The following PCDHGB6 variants were observed in gnomAD, a reference collection of about 807,000 sequenced individuals.
The protein encoded by PCDHGB6 is protocadherin gamma-B6.
A neutral mutation model predicts 59.1 loss-of-function variants in PCDHGB6; 51 were observed. That is an observed-to-expected ratio of 0.86 (90% CI 0.69 to 1.09). The LOEUF (loss-of-function observed/expected upper bound fraction) is 1.09. Among genes scored for constraint, PCDHGB6 ranks in the 50% least tolerant of loss-of-function variants. The pLI is 0.00. For missense variants in PCDHGB6, 1,148 were observed against 1,205.1 expected (o/e 0.95, Z 0.70); for synonymous variants, 466 against 495.1 (o/e 0.94, Z 0.78).
At position 141,486,709 on chromosome 5, in the gene PCDHGB6, C is replaced by T; in HGVS notation, c.2419-8098C>T. 6.2e-7 allele frequency: 1 copy of T among 1,614,182 alleles called. No individual in the cohort carries two copies. ...CTTCCTCTTTCATCTCTCTGAACCC[C>T]CAGACAGGAGCTGTTCATGCTACTC... On this transcript the variant is annotated intron_variant, in intron 1 of 3. Coordinates refer to ENST00000520790, the MANE Select transcript of PCDHGB6 (RefSeq NM_018926.3). This position sits in a 1 kb window ranked among gnomAD's most constrained non-coding sequence, Gnocchi z 5.0.
chr5:141,439,289 T>C (rs1454088176), intron 1 of PCDHGB6, among the ~76,000 whole-genome samples: 1 of 151,850 alleles, frequency 6.6e-6, no homozygotes, highest in African/African-American at 2.4e-5. Flanking sequence ...CTGTGTTCCA[T>C]GGAAAAAGTA....
chr5:141,486,271 C>T lies in PCDHGB6; in HGVS notation c.2419-8536C>T. 1 of 1,614,086 alleles carries T rather than the reference C, an allele frequency of 6.2e-7. No homozygotes were observed. Among genetic ancestry groups the T allele is most frequent in the Non-Finnish European group, 8.5e-7 (1 of 1,179,994 alleles). ...CCCTCCCCGAGAGTGCAGAACCTGG[C>T]ACTGTGGTGGCACTTATCAGTGTGC... On this transcript the variant is annotated intron_variant, in intron 1 of 3. Coordinates refer to ENST00000520790, the MANE Select transcript of PCDHGB6 (RefSeq NM_018926.3). The surrounding 1 kb of genome is among the most constrained non-coding windows in gnomAD (Gnocchi z 5.0).
chr5:141,431,624 G>C lies in PCDHGB6; in HGVS notation c.2418+21004G>C. The C allele has an allele frequency of 2.5e-6, 4 of 1,614,234 alleles. No individual in the cohort carries two copies. Among genetic ancestry groups the C allele is most frequent in the Non-Finnish European group, 3.4e-6 (4 of 1,180,038 alleles). On this transcript the variant is annotated intron_variant, in intron 1 of 3. Transcript: ENST00000520790. This position sits in a 1 kb window ranked among gnomAD's most constrained non-coding sequence, Gnocchi z 4.8. ...CTTCCGGTATGTGGACGACAAGGCG[G>C]CCCAAGTTTTCAAACTAGATTGTAA...
intron 1 of PCDHGB6, among the ~76,000 whole-genome samples, chr5:141,472,992 A>G (rs2099309983): frequency 6.6e-6 from 1 of 151,994 alleles, no homozygotes; most frequent in South Asian, 2.1e-4. Context: ...AAAAAAAAAA[A>G]AAAAAGAAAG....
intron 1 of PCDHGB6, chr5:141,414,187 T>A: frequency 6.2e-7 from 1 of 1,609,834 alleles, no homozygotes; most frequent in South Asian, 1.1e-5. Flanking sequence ...TGCAAAAGTG[T>A]TGATTACAGT....
intron 1 of PCDHGB6, among the ~76,000 whole-genome samples, chr5:141,480,240 C>CAAA (rs11374694): frequency 1.8e-5 from 2 of 114,046 alleles, no homozygotes; most frequent in Non-Finnish European, 3.8e-5. Context: ...CCTGTCTCTA[C>CAAA]AAAAAAAAAA....
At position 141,408,577 on chromosome 5, in the gene PCDHGB6, T is replaced by C. The variant is rs771768269; in HGVS notation, c.375T>C (p.Asp125=). The C allele has an allele frequency of 6.2e-7, 1 of 1,614,068 alleles. No homozygotes were observed. Among genetic ancestry groups the C allele is most frequent in the South Asian group, 1.1e-5 (1 of 91,090 alleles). Residue 125 remains aspartate, a synonymous_variant, in exon 1 of 4, where the codon GAT becomes GAC. Coordinates refer to ENST00000520790, the MANE Select transcript of PCDHGB6 (RefSeq NM_018926.3). ...NIFHVIVVIE[D]VNDHAPQFDK... is the part of the protein sequence containing the mutation. ...TTCATGTCATTGTGGTGATTGAGGA[T>C]GTTAATGACCACGCCCCTCAATTTG... is the stretch of plus-strand genomic sequence containing the variant.
At chr5:141,450,297 G>A (rs1414677718) in intron 1 of PCDHGB6, among the ~76,000 whole-genome samples, 3 of 151,838 alleles carry the variant, frequency 2.0e-5, no homozygotes, top group Non-Finnish European at 4.4e-5. Context: ...ACAGGCGTGA[G>A]CCACCATGTG....
chr5:141,494,878 T>A lies in PCDHGB6; in HGVS notation c.2477+13T>A. Reference sequence around the variant, plus strand: ...CCGGCACCAGCGGGTAGGTGACTGATTCTCCAGCCCACCCTCTTCTCTGCG... The same window carrying A: ...CCGGCACCAGCGGGTAGGTGACTGAATCTCCAGCCCACCCTCTTCTCTGCG... On this transcript the variant is annotated intron_variant, in intron 2 of 3. Coordinates refer to ENST00000520790, the MANE Select transcript of PCDHGB6 (RefSeq NM_018926.3). The A allele has an allele frequency of 6.2e-7, 1 of 1,614,072 alleles. No homozygotes were observed. The highest frequency in any genetic ancestry group is 8.5e-7 in the Non-Finnish European group (1 of 1,179,986).
In PCDHGB6 at chr5:141,442,072, C is replaced by G. The variant is rs1034351866; in HGVS notation, c.2418+31452C>G. On this transcript the variant is annotated intron_variant, in intron 1 of 3. Transcript: ENST00000520790. ...GTCGCGGTGCACTGCGGTGGACAGC[C>G]GCTCCTCTCGCTACCGCCACGTCAC... 17 of 175,092 alleles carry G rather than the reference C, an allele frequency of 9.7e-5. No homozygotes were observed. The South Asian group carries it at 1.5e-3, about 16-fold the overall frequency. 10.8% of individuals were successfully genotyped at this position (175,092 alleles called of 1,614,324 possible). A position where few individuals can be genotyped will look rare whatever the true frequency, so the allele number is the denominator to read the frequency against.
In PCDHGB6 at chr5:141,486,885, G is replaced by C. The variant is rs139638334; in HGVS notation, c.2419-7922G>C. 1.2e-6 allele frequency: 2 copies of C among 1,614,076 alleles called. No individual in the cohort carries two copies. Among genetic ancestry groups the C allele is most frequent in the East Asian group, 4.5e-5 (2 of 44,892 alleles). On this transcript the variant is annotated intron_variant, in intron 1 of 3. Coordinates refer to ENST00000520790, the MANE Select transcript of PCDHGB6 (RefSeq NM_018926.3). This position sits in a 1 kb window ranked among gnomAD's most constrained non-coding sequence, Gnocchi z 5.0. ...CCAGCTGTGCTCCGTCCTCGGGCCC[G>C]GCCTGGTTCCTTATGTCCCCAAGCA...
At chr5:141,510,132 G>A (rs920772998) in intron 3 of PCDHGB6, among the ~76,000 whole-genome samples, 2 of 152,120 alleles carry the variant, frequency 1.3e-5, no homozygotes, top group African/African-American at 4.8e-5. Context: ...AAATTAGCTG[G>A]GCTAGTGGTG....
chr5:141,488,175 T>C (rs889217562), intron 1 of PCDHGB6, among the ~76,000 whole-genome samples: 1 of 152,168 alleles, frequency 6.6e-6, no homozygotes, highest in Non-Finnish European at 1.5e-5. Context: ...AGTGGTGGCA[T>C]AGATCTTTTG....
rs1561869034 is a variant in PCDHGB6 at position 141,433,357 on chromosome 5, G to GT, written c.2418+22737_2418+22738insT. On this transcript the variant is annotated intron_variant, in intron 1 of 3. Transcript: ENST00000520790. ...TACAGGTGCAAGCCACCTACTGTCT[G>GT]CCTATCTATCTATCTATCTATCTAT... 125 of 569,056 alleles carry GT rather than the reference G, an allele frequency of 2.2e-4. No homozygotes were observed. In the African/African-American group the frequency reaches 2.4e-3, roughly 11 times the overall value. The allele number at this position is 569,056 out of a possible 1,614,324, so 35.3% of individuals were successfully genotyped here. A position where few individuals can be genotyped will look rare whatever the true frequency, so the allele number is the denominator to read the frequency against.
intron 1 of PCDHGB6, chr5:141,421,294 A>G (rs779984795): frequency 1.9e-6 from 3 of 1,613,304 alleles, no homozygotes; most frequent in Non-Finnish European, 2.5e-6. Context: ...TTTCCTGGGG[A>G]CGCTGCGGGG....
intron 1 of PCDHGB6, chr5:141,415,362 G>A (rs769596449): frequency 4.3e-6 from 7 of 1,614,126 alleles, no homozygotes; most frequent in African/African-American, 1.3e-5. Context: ...CACGCCTGCT[G>A]CAGGCTTCAG....
intron 1 of PCDHGB6, chr5:141,423,752 G>GC: frequency 1.6e-6 from 1 of 644,956 alleles, no homozygotes; most frequent in East Asian, 1.1e-4. Context: ...AAACTGTTTG[G>GC]GGGGGGGGTG....
Position 141,485,778 on chromosome 5 carries a change from G to T in PCDHGB6, c.2419-9029G>T. The T allele has an allele frequency of 6.2e-7, 1 of 1,614,216 alleles. No individual in the cohort carries two copies. Among genetic ancestry groups the T allele is most frequent in the Admixed American group, 1.7e-5 (1 of 60,028 alleles). ...CTGCTCCTGGAGAAGCCTTTGGATC[G>T]AGAGAAGCAATCGGACTACCGCCTG... is the stretch of plus-strand genomic sequence containing the variant. On this transcript the variant is annotated intron_variant, in intron 1 of 3. Coordinates refer to ENST00000520790, the MANE Select transcript of PCDHGB6 (RefSeq NM_018926.3). The surrounding 1 kb of genome is among the most constrained non-coding windows in gnomAD (Gnocchi z 5.7).
At position 141,486,209 on chromosome 5, in the gene PCDHGB6, A is replaced by G. The variant is rs749965379; in HGVS notation, c.2419-8598A>G. 1.2e-6 allele frequency: 2 copies of G among 1,614,080 alleles called. No homozygotes were observed. The highest frequency in any genetic ancestry group is 1.7e-6 in the Non-Finnish European group (2 of 1,179,988). ...AGTGGATCTGCTGGACGTAAATGAC[A>G]ATGCCCCTTACATCACAGTGACCTC... On this transcript the variant is annotated intron_variant, in intron 1 of 3. Transcript: ENST00000520790. The surrounding 1 kb of genome is among the most constrained non-coding windows in gnomAD (Gnocchi z 5.0).
Sources: allele counts gnomAD v4.1 joint callset (sites outside exome capture counted in the v4.1 genomes callset), GRCh38; gene constraint gnomAD v4.1.1; non-coding constraint Gnocchi (gnomAD v3.1); transcripts MANE v1.5; gene names NCBI Gene and HGNC (gene_info 2026-07-23, HGNC 2026-07-21).